Variants in RANBP2 observed in about 807,000 individuals in gnomAD.
RANBP2 encodes E3 SUMO-protein ligase RanBP2.
RANBP2 carries 57 observed loss-of-function variants against 303.6 expected under a neutral mutation model. The observed-to-expected ratio is 0.19, with a 90% confidence interval of 0.15 to 0.23. RANBP2 has a LOEUF of 0.23. RANBP2 is among the 10% of genes least tolerant of loss of function. The pLI, the probability that RANBP2 is intolerant of heterozygous loss-of-function variation, is 1.00. For missense variants in RANBP2, 3,138 were observed against 3,780.8 expected (o/e 0.83, Z 4.46); for synonymous variants, 1,167 against 1,301.5 (o/e 0.90, Z 2.23).
chr2:109,012,712 A>G, the RANBP2 span, among the ~76,000 whole-genome samples: 1 of 152,292 alleles, frequency 6.6e-6, no homozygotes, highest in East Asian at 1.9e-4. Context: ...CAGGAGATCG[A>G]GACCATCCTG....
chr2:109,112,839 G>A, the RANBP2 span, among the ~76,000 whole-genome samples: 1 of 152,140 alleles, frequency 6.6e-6, no homozygotes, highest in African/African-American at 2.4e-5. Context: ...TCCAATTTCA[G>A]CTTTCTACAT....
At chr2:109,634,438 G>GCTCCT in the RANBP2 span, among the ~76,000 whole-genome samples, 1 of 152,192 alleles carries the variant, frequency 6.6e-6, no homozygotes, top group Non-Finnish European at 1.5e-5. Context: ...AGGGCCAGGA[G>GCTCCT]GCCAGGGAAT....
At chr2:109,309,831 A>T in the RANBP2 span, among the ~76,000 whole-genome samples, 1 of 113,794 alleles carries the variant, frequency 8.8e-6, no homozygotes, top group Non-Finnish European at 1.7e-5. Flanking sequence ...GAGCACCCAG[A>T]TTCATAAAGC....
the RANBP2 span, among the ~76,000 whole-genome samples, chr2:109,352,467 G>A: frequency 0.13 from 19,681 of 152,202 alleles, 1,425 homozygotes; most frequent in Middle Eastern, 0.24. Context: ...CAGGCGATGG[G>A]CAAGCTTCCA....
the RANBP2 span, among the ~76,000 whole-genome samples, chr2:108,990,457 A>T: frequency 9.2e-3 from 1,389 of 150,728 alleles, 31 homozygotes; most frequent in African/African-American, 0.03. Context: ...AAAAAAAAAA[A>T]ATATACAAAA....
chr2:109,562,839 G>C, the RANBP2 span, among the ~76,000 whole-genome samples: 4 of 152,092 alleles, frequency 2.6e-5, no homozygotes, highest in African/African-American at 9.7e-5. Flanking sequence ...GTCAGTTTAC[G>C]AGAATGACTG....
the RANBP2 span, among the ~76,000 whole-genome samples, chr2:109,447,979 C>T: frequency 6.6e-6 from 1 of 152,236 alleles, no homozygotes; most frequent in East Asian, 1.9e-4. Flanking sequence ...GGGTGGTGGG[C>T]GGCTTCTCCT....
chr2:109,072,093 T>C, the RANBP2 span, among the ~76,000 whole-genome samples: 2 of 152,184 alleles, frequency 1.3e-5, no homozygotes, highest in Non-Finnish European at 2.9e-5. Flanking sequence ...CAAATATTTG[T>C]TGTGGGGCCC....
At chr2:109,553,240 C>G in the RANBP2 span, 1 of 1,612,130 alleles carries the variant, frequency 6.2e-7, no homozygotes, top group Non-Finnish European at 8.5e-7. Flanking sequence ...ATTTGTGTTA[C>G]TCTCCTGCTA....
At chr2:109,046,253 A>G in the RANBP2 span, among the ~76,000 whole-genome samples, 1 of 150,120 alleles carries the variant, frequency 6.7e-6, no homozygotes. Flanking sequence ...GCAGTGACCC[A>G]AGATTGTGCC....
chr2:109,001,935 T>C, the RANBP2 span, among the ~76,000 whole-genome samples: 1 of 152,068 alleles, frequency 6.6e-6, no homozygotes, highest in African/African-American at 2.4e-5. Context: ...TTTCACTGTG[T>C]TAGCCAGGAT....
chr2:108,791,233 A>G, the RANBP2 span, among the ~76,000 whole-genome samples: 1 of 152,176 alleles, frequency 6.6e-6, no homozygotes, highest in Non-Finnish European at 1.5e-5. Flanking sequence ...AAAAATTTCA[A>G]CTCAGATTGT....
At chr2:109,262,390 G>T in the RANBP2 span, among the ~76,000 whole-genome samples, 3 of 152,238 alleles carry the variant, frequency 2.0e-5, no homozygotes, top group East Asian at 3.9e-4. Context: ...GAGCTTTGGG[G>T]TTACTGCCTT....
At chr2:109,705,263 G>C in the RANBP2 span, among the ~76,000 whole-genome samples, 1 of 151,656 alleles carries the variant, frequency 6.6e-6, no homozygotes, top group Non-Finnish European at 1.5e-5. Context: ...AAATTAGCTC[G>C]GTGTGGTGGT....
the RANBP2 span, among the ~76,000 whole-genome samples, chr2:109,478,121 C>T: frequency 2.2e-4 from 33 of 152,342 alleles, no homozygotes; most frequent in African/African-American, 6.0e-4. Flanking sequence ...GCTCTGCAGC[C>T]GGAGAGGAGC....
the RANBP2 span, among the ~76,000 whole-genome samples, chr2:108,819,050 T>C: frequency 6.6e-6 from 1 of 152,140 alleles, no homozygotes; most frequent in Admixed American, 6.5e-5. Flanking sequence ...CAAGTAAAGA[T>C]TGTAAAATTT....
At chr2:108,770,792 T>C (rs943503306) in intron 20 of RANBP2, among the ~76,000 whole-genome samples, 2 of 152,206 alleles carry the variant, frequency 1.3e-5, no homozygotes, top group Non-Finnish European at 2.9e-5. Flanking sequence ...ATATTTTACA[T>C]TATTGTTTTT....
At chr2:108,934,154 AAAAT>A in the RANBP2 span, among the ~76,000 whole-genome samples, 1 of 152,218 alleles carries the variant, frequency 6.6e-6, no homozygotes, top group Non-Finnish European at 1.5e-5. Flanking sequence ...AGAGAAAAGA[AAAAT>A]AGATACACAA....
the RANBP2 span, among the ~76,000 whole-genome samples, chr2:109,688,179 C>T: frequency 6.6e-6 from 1 of 152,092 alleles, no homozygotes; most frequent in African/African-American, 2.4e-5. Context: ...CCCGAGGAGT[C>T]ACAGAGTTGC....
Sources: gnomAD v4.1 joint callset for allele counts (sites outside exome capture counted in the v4.1 genomes callset) on GRCh38, gnomAD v4.1.1 for gene constraint, MANE v1.5 for transcripts, NCBI Gene and HGNC (gene_info 2026-07-23, HGNC 2026-07-21) for gene names.